The following ADAM9 variants were observed in gnomAD, a reference collection of about 807,000 sequenced individuals.
ADAM9 encodes ADAM metallopeptidase domain 9.
In ADAM9, 54 loss-of-function variants were observed where a neutral mutation model predicts 108.1. The observed-to-expected ratio is 0.50, with a 90% CI of 0.40 to 0.63. The LOEUF (loss-of-function observed/expected upper bound fraction) is 0.63. Ranked by LOEUF, ADAM9 falls within the 20% of genes least tolerant of loss-of-function variation. ADAM9 has a pLI of 0.00. For synonymous variants in ADAM9, 316 were observed against 336.0 expected, an observed-to-expected ratio of 0.94 and a Z score of 0.65; for missense variants, 830 against 997.7, an observed-to-expected ratio of 0.83 and a Z score of 2.26.
At chr8:39,031,308 G>T (rs1427336091) in intron 11 of ADAM9, among the ~76,000 whole-genome samples, 1 of 152,164 alleles carries the variant, frequency 6.6e-6, no homozygotes, top group Non-Finnish European at 1.5e-5. Flanking sequence ...AGCACCATTT[G>T]TTGAAAAGAT....
Position 39,032,448 on chromosome 8 carries a change from A to G in ADAM9, c.1130+5638A>G, listed in dbSNP as rs146288909. ...TGCCTGCTGCCCTAGCAGTGAGCAA[A>G]GCTCTGTGGGCGTAGGACCCGCCGA... On this transcript the variant is annotated intron_variant, in intron 11 of 21. Coordinates refer to ENST00000487273, the MANE Select transcript of ADAM9 (RefSeq NM_003816.3). Among the ~76,000 whole-genome samples the G allele has an allele frequency of 3.4e-3, 521 of 152,346 alleles. 9 individuals carry two copies. The highest frequency in any genetic ancestry group is 0.012 in the African/African-American group (507 of 41,560).
Position 39,103,602 on chromosome 8 carries a change from C to T in ADAM9, c.2367-5C>T, listed in dbSNP as rs774989948. 31 of 1,613,740 alleles carry T rather than the reference C, an allele frequency of 1.9e-5. No individual in the cohort carries two copies. Among genetic ancestry groups the T allele is most frequent in the Admixed American group, 5.0e-5 (3 of 59,986 alleles). ...CTCTATTAACTATCTCTTTTCCCCT[C>T]GCAGGCCACCTCCACCACAACCGAA... is the stretch of plus-strand genomic sequence containing the variant. On this transcript the variant is annotated splice_polypyrimidine_tract_variant and splice_region_variant and intron_variant, in intron 21 of 21. Transcript: ENST00000487273.
intron 9 of ADAM9, 115 bp from the exon 10 acceptor site, chr8:39,025,687 AT>A: frequency 2.1e-6 from 2 of 953,944 alleles, no homozygotes; most frequent in Non-Finnish European, 1.6e-6. Flanking sequence ...TTTTTTTGCC[AT>A]TTTCCTGCCA....
intron 12 of ADAM9, among the ~76,000 whole-genome samples, chr8:39,045,460 G>A (rs1837717658): frequency 6.7e-6 from 1 of 148,176 alleles, no homozygotes; most frequent in Non-Finnish European, 1.5e-5. Flanking sequence ...ACACCTATAT[G>A]TGCGTGTGTG....
rs1014355670 is a variant in ADAM9, at chr8:39,021,682, G to C, written c.712G>C (p.Glu238Gln). ...AAGAAATCAGACTGCTGTGAGAGAA[G>C]AGATGATTCTCCTGGCAAACTACTT... is the stretch of plus-strand genomic sequence containing the variant. ...MGRNQTAVRE[E>Q]MILLANYLDS... is the part of the protein sequence containing the mutation. The change falls in exon 8 of 22, where the codon GAG becomes CAG. Residue 238 changes from glutamate (E) to glutamine (Q), a missense_variant. Physicochemically the swap from Glu to Gln is conservative, Grantham distance 29 (BLOSUM62 2). This residue lies in a region of ADAM9 where 381 missense variants were observed against 539.8 expected (regional missense o/e 0.71). Coordinates refer to ENST00000487273, the MANE Select transcript of ADAM9 (RefSeq NM_003816.3). 1.2e-6 allele frequency: 2 copies of C among 1,613,974 alleles called. No homozygotes were observed. The highest frequency in any genetic ancestry group is 1.3e-5 in the African/African-American group (1 of 74,932).
intron 11 of ADAM9, among the ~76,000 whole-genome samples, chr8:39,041,645 A>G (rs1048880582): frequency 1.3e-5 from 2 of 152,228 alleles, no homozygotes; most frequent in African/African-American, 4.8e-5. Context: ...AGGACTAAAT[A>G]ATTTTTAAAG....
chr8:39,104,640 T>G lies in ADAM9; in HGVS notation c.*940T>G. Reference sequence around the variant, plus strand: ...ACTTTCAAAGCTTGCTATTAAATCATTTAGAATGTTTACATTTACTAAGGT... The same window carrying G: ...ACTTTCAAAGCTTGCTATTAAATCAGTTAGAATGTTTACATTTACTAAGGT... On this transcript the variant is annotated 3_prime_UTR_variant, in exon 22 of 22. Coordinates refer to ENST00000487273, the MANE Select transcript of ADAM9 (RefSeq NM_003816.3). The G allele has an allele frequency of 2.2e-6, 1 of 446,972 alleles. No individual in the cohort carries two copies. The highest frequency in any genetic ancestry group is 4.5e-6 in the Non-Finnish European group (1 of 224,518). The allele number at this position is 446,972 out of a possible 1,614,324, so 27.7% of individuals were successfully genotyped here. A position where few individuals can be genotyped will look rare whatever the true frequency, so the allele number is the denominator to read the frequency against.
chr8:39,018,787 G>C, intron 6 of ADAM9, 66 bp from the exon 7 acceptor site: 1 of 1,333,292 alleles, frequency 7.5e-7, no homozygotes, highest in Non-Finnish European at 1.1e-6. Context: ...TAAGTGATGA[G>C]AGATTAGGAT....
In ADAM9 at chr8:39,014,003, A is replaced by G. The variant is rs201485493; in HGVS notation, c.293A>G (p.Asn98Ser). 14 of 1,613,736 alleles carry G rather than the reference A, an allele frequency of 8.7e-6. No homozygotes were observed. In the East Asian group the frequency reaches 1.8e-4, roughly 21 times the overall value. The change falls in exon 4 of 22, where the codon AAC becomes AGC. Residue 98 changes from asparagine (N) to serine (S), a missense_variant. Physicochemically the swap from Asn to Ser is conservative, Grantham distance 46. This residue lies in a region of ADAM9 where 211 missense variants were observed against 222.2 expected (regional missense o/e 0.95). Coordinates refer to ENST00000487273, the MANE Select transcript of ADAM9 (RefSeq NM_003816.3). ...GAAGATTTTGTGGTTTATACTTACA[A>G]CAAGGAAGGGACTTTAATCACTGAC... is the stretch of plus-strand genomic sequence containing the variant. ...LPEDFVVYTYNKEGTLITDHP... is the reference protein window; with the variant it reads ...LPEDFVVYTYSKEGTLITDHP...
At chr8:39,084,765 TACTC>T (rs147603397) in intron 18 of ADAM9, among the ~76,000 whole-genome samples, 27 of 152,242 alleles carry the variant, frequency 1.8e-4, no homozygotes, top group Non-Finnish European at 2.8e-4. Context: ...CTGGTCTACT[TACTC>T]TGTCAGTTAT....
chr8:39,052,886 T>C (rs749836601), intron 12 of ADAM9, among the ~76,000 whole-genome samples: 1 of 152,186 alleles, frequency 6.6e-6, no homozygotes, highest in Non-Finnish European at 1.5e-5. Flanking sequence ...GGTAGAGGTA[T>C]TTAACTTTTC....
Position 39,065,118 on chromosome 8 carries a change from A to ATATT in ADAM9, c.1592-6179_1592-6176dup, listed in dbSNP as rs557328145. Reference sequence around the variant, plus strand: ...GGTGTGATTTCTTTTCCTGGATCACATATTATTTGGATATTGGATTTACTA... The same window carrying ATATT: ...GGTGTGATTTCTTTTCCTGGATCACATATTTATTATTTGGATATTGGATTTACTA... On this transcript the variant is annotated intron_variant, in intron 14 of 21. Transcript: ENST00000487273. Among the ~76,000 whole-genome samples, 126 of 149,854 alleles carry ATATT rather than the reference A, an allele frequency of 8.4e-4. 1 individual carries two copies. The highest frequency in any genetic ancestry group is 3.0e-3 in the African/African-American group (122 of 40,906).
chr8:39,024,718 A>AT (rs1836864197), intron 9 of ADAM9, among the ~76,000 whole-genome samples: 1 of 152,162 alleles, frequency 6.6e-6, no homozygotes, highest in Non-Finnish European at 1.5e-5. Context: ...ACTGGCAAAA[A>AT]TTCCTGCTCT....
At chr8:39,045,593 AT>A (rs1837742550) in intron 12 of ADAM9, among the ~76,000 whole-genome samples, 3 of 144,202 alleles carry the variant, frequency 2.1e-5, no homozygotes, top group Non-Finnish European at 4.4e-5. Context: ...TATATAAAAG[AT>A]TTTTCTCATC....
At chr8:39,017,877 G>A (rs1414753507) in intron 6 of ADAM9, among the ~76,000 whole-genome samples, 1 of 152,216 alleles carries the variant, frequency 6.6e-6, no homozygotes, top group Admixed American at 6.5e-5. Flanking sequence ...ATAGGCATAA[G>A]CCACTGCACC....
At chr8:39,068,450 G>A (rs1252094410) in intron 14 of ADAM9, among the ~76,000 whole-genome samples, 1 of 151,840 alleles carries the variant, frequency 6.6e-6, no homozygotes, top group Non-Finnish European at 1.5e-5. Flanking sequence ...CGAGGCATGT[G>A]GATTGCCTGA....
intron 11 of ADAM9, among the ~76,000 whole-genome samples, chr8:39,038,833 C>T (rs559562320): frequency 1.1e-4 from 16 of 152,314 alleles, no homozygotes; most frequent in African/African-American, 3.4e-4. Flanking sequence ...GTTTTCTTTC[C>T]GTGAGTCAGA....
chr8:39,045,070 A>ATGTATGTG (rs1554578812), intron 12 of ADAM9, among the ~76,000 whole-genome samples: 443 of 25,644 alleles, frequency 0.017, 13 homozygotes, highest in East Asian at 0.099. Flanking sequence ...GCATACATAC[A>ATGTATGTG]TATGTGTGTG....
chr8:39,068,175 C>T (rs1305423580), intron 14 of ADAM9, among the ~76,000 whole-genome samples: 3 of 152,090 alleles, frequency 2.0e-5, no homozygotes, highest in African/African-American at 7.2e-5. Flanking sequence ...TCCCATAGTC[C>T]CTGGTCCAAA....
Sources: allele counts gnomAD v4.1 joint callset (sites outside exome capture counted in the v4.1 genomes callset), GRCh38; gene constraint gnomAD v4.1.1; regional missense constraint gnomAD v4.1.1; transcripts MANE v1.5; gene names NCBI Gene and HGNC (gene_info 2026-07-23, HGNC 2026-07-21).